The following NEO1 variants were observed in gnomAD, a reference collection of about 807,000 sequenced individuals.
The protein encoded by NEO1 is neogenin 1.
Under a neutral mutation model 159.7 loss-of-function variants are expected in NEO1, and 63 were observed. The ratio of observed to expected loss-of-function variants is 0.39; its 90% confidence interval spans 0.32 to 0.49. The LOEUF (loss-of-function observed/expected upper bound fraction) is 0.49. Among genes scored for constraint, NEO1 ranks in the 20% least tolerant of loss-of-function variants. The probability of loss-of-function intolerance (pLI) is 0.85; values close to 1 mark genes in which losing one functional copy is unlikely to be tolerated. For missense variants in NEO1, 1,615 were observed against 1,831.0 expected, an observed-to-expected ratio of 0.88 and a Z score of 2.15; for synonymous variants, 633 against 662.0, an observed-to-expected ratio of 0.96 and a Z score of 0.67.
chr15:73,290,940 A>T (rs1205991598), intron 25 of NEO1, among the ~76,000 whole-genome samples: 2 of 152,208 alleles, frequency 1.3e-5, no homozygotes, highest in African/African-American at 4.8e-5. Context: ...TCCCACAAAC[A>T]CTGTACACAA....
At chr15:73,199,744 G>C (rs886296014) in intron 7 of NEO1, among the ~76,000 whole-genome samples, 1 of 152,252 alleles carries the variant, frequency 6.6e-6, no homozygotes, top group African/African-American at 2.4e-5. Flanking sequence ...TAAGATCAAG[G>C]TGCCAACAGG....
At chr15:73,211,822 T>C (rs1455762870) in intron 7 of NEO1, among the ~76,000 whole-genome samples, 1 of 152,168 alleles carries the variant, frequency 6.6e-6, no homozygotes, top group East Asian at 1.9e-4. Flanking sequence ...TCCCCTTGAG[T>C]CTTTTGGGTC....
rs1431308801 is a variant in NEO1, at chr15:73,293,540, A to G, written c.3893A>G (p.Asn1298Ser). ...TCCATGTCCCTTTCAGACAGGGCCAATTCCACAGGTGAGAGATGAGGATCA... is the reference window on the plus strand; with the variant it reads ...TCCATGTCCCTTTCAGACAGGGCCAGTTCCACAGGTGAGAGATGAGGATCA... ...GTSMSLSDRA[N>S]STESVRNTPS... Residue 1298 changes from asparagine (N) to serine (S), a missense_variant, in exon 26 of 29, where the codon AAT (asparagine) becomes AGT (serine). Physicochemically the swap from Asn to Ser is conservative, Grantham distance 46. Around this residue, in one of 3 missense-constraint regions of NEO1, gnomAD observed 471 missense variants for 498.9 expected, o/e 0.94. Transcript: ENST00000261908. 4 of 1,614,016 alleles carry G rather than the reference A, an allele frequency of 2.5e-6. No homozygotes were observed. The highest frequency in any genetic ancestry group is 2.2e-5 in the East Asian group (1 of 44,886).
intron 1 of NEO1, among the ~76,000 whole-genome samples, chr15:73,073,318 A>T (rs1370474564): frequency 6.6e-6 from 1 of 151,984 alleles, no homozygotes; most frequent in Non-Finnish European, 1.5e-5. Context: ...ACAGCTGGAG[A>T]TGGAATTTGG....
Position 73,272,458 on chromosome 15 carries a change from C to T in NEO1, c.2861C>T (p.Pro954Leu). ...TAHGTTFELV[P>L]TSPPKDVTVV... ...TAAAAATTTTGTTATTTTGTAGTTC[C>T]GACTTCTCCACCCAAGGATGTGACT... Residue 954 changes from proline to leucine, a missense_variant, in exon 19 of 29, where the codon CCG (proline) becomes CTG (leucine). Physicochemically the swap from Pro to Leu is moderately conservative, Grantham distance 98. Coordinates refer to ENST00000261908, the MANE Select transcript of NEO1 (RefSeq NM_002499.4). 1.2e-6 allele frequency: 2 copies of T among 1,611,278 alleles called. No individual in the cohort carries two copies. Among genetic ancestry groups the T allele is most frequent in the African/African-American group, 1.3e-5 (1 of 74,924 alleles).
At chr15:73,297,364 G>A (rs1413728261) in intron 26 of NEO1, among the ~76,000 whole-genome samples, 1 of 152,164 alleles carries the variant, frequency 6.6e-6, no homozygotes, top group East Asian at 1.9e-4. Context: ...AAAGCAGCTG[G>A]CATAGTGCTT....
chr15:73,284,465 CTCTT>C (rs2041860335), intron 23 of NEO1, among the ~76,000 whole-genome samples: 2 of 151,988 alleles, frequency 1.3e-5, no homozygotes, highest in African/African-American at 4.8e-5. Flanking sequence ...TTTTAAATCT[CTCTT>C]TCTTTTGCCC....
intron 1 of NEO1, among the ~76,000 whole-genome samples, chr15:73,087,638 A>G (rs1218112246): frequency 1.3e-5 from 2 of 152,118 alleles, no homozygotes; most frequent in Non-Finnish European, 2.9e-5. Context: ...TACAAGATAA[A>G]TTTACTTTCA....
rs557908913 is a variant in NEO1, at chr15:73,114,563, G to T, written c.131-1977G>T. Among the ~76,000 whole-genome samples, 4 of 151,542 alleles carry T rather than the reference G, an allele frequency of 2.6e-5. No homozygotes were observed. In the East Asian group the frequency reaches 5.8e-4, roughly 22 times the overall value. On this transcript the variant is annotated intron_variant, in intron 1 of 28. Transcript: ENST00000261908. ...TTTTCAAACACATATACTTTTTTTC[G>T]TTGTTCAACCTGGCTCAATTTTAAA...
chr15:73,237,976 A>G (rs1356847452), intron 8 of NEO1, among the ~76,000 whole-genome samples: 7 of 152,144 alleles, frequency 4.6e-5, no homozygotes, highest in Non-Finnish European at 1.0e-4. Flanking sequence ...TTTAGATGAC[A>G]TCTCCTCAGG....
chr15:73,275,224 C>A (rs2623993), intron 21 of NEO1, among the ~76,000 whole-genome samples: 122,108 of 149,020 alleles, frequency 0.82, 49,355 homozygotes, highest in Admixed American at 0.89. Context: ...TTACCTTACT[C>A]AATGTTGTGA....
At chr15:73,249,290 C>A in intron 10 of NEO1, 82 bp downstream of exon 10, 1 of 1,424,364 alleles carries the variant, frequency 7.0e-7, no homozygotes. Context: ...AGTTGCTTGA[C>A]TGGAAATGTG....
chr15:73,216,916 A>G (rs1404939966), intron 7 of NEO1, among the ~76,000 whole-genome samples: 2 of 151,852 alleles, frequency 1.3e-5, no homozygotes, highest in Non-Finnish European at 2.9e-5. Context: ...TTTGCTGTGC[A>G]GAAGCTCTTT....
At position 73,284,919 on chromosome 15, in the gene NEO1, T is replaced by A. The variant is rs144411346; in HGVS notation, c.3410+1808T>A. ...ACTTTTAATAGTGGAAAACTATTAT[T>A]TTTAAAGCCTCAAAGACTACATTTT... is the stretch of plus-strand genomic sequence containing the variant. On this transcript the variant is annotated intron_variant, in intron 23 of 28. Transcript: ENST00000261908. Among the ~76,000 whole-genome samples, 552 of 152,292 alleles carry A rather than the reference T, an allele frequency of 3.6e-3. 2 individuals carry two copies. Among genetic ancestry groups the A allele is most frequent in the African/African-American group, 0.013 (529 of 41,556 alleles).
At chr15:73,147,308 T>G (rs2032983234) in intron 5 of NEO1, among the ~76,000 whole-genome samples, 1 of 152,194 alleles carries the variant, frequency 6.6e-6, no homozygotes. Flanking sequence ...CTTTGATTTC[T>G]TTTTTGCCTT....
chr15:73,092,604 C>T (rs1213076653), intron 1 of NEO1, among the ~76,000 whole-genome samples: 3 of 152,006 alleles, frequency 2.0e-5, no homozygotes, highest in African/African-American at 7.2e-5. Flanking sequence ...ATTTATATTT[C>T]AAGTCAGTCA....
chr15:73,122,337 G>A (rs2071715644), intron 2 of NEO1, among the ~76,000 whole-genome samples, 188 bp from the exon 3 acceptor site: 1 of 151,744 alleles, frequency 6.6e-6, no homozygotes, highest in Non-Finnish European at 1.5e-5. Context: ...TCTGATTCCA[G>A]TTATCCTTAA....
intron 11 of NEO1, among the ~76,000 whole-genome samples, chr15:73,250,126 TTGTGAC>T (rs1292367662): frequency 6.6e-6 from 1 of 152,142 alleles, no homozygotes; most frequent in African/African-American, 2.4e-5. Context: ...TCCTCCGTAT[TTGTGAC>T]TGTTTTATCT....
chr15:73,147,302 G>T (rs2032982743), intron 5 of NEO1, among the ~76,000 whole-genome samples: 1 of 152,130 alleles, frequency 6.6e-6, no homozygotes, highest in African/African-American at 2.4e-5. Flanking sequence ...TGTTGTCTTT[G>T]ATTTCTTTTT....
Sources: gnomAD v4.1 joint callset for allele counts (sites outside exome capture counted in the v4.1 genomes callset) on GRCh38, gnomAD v4.1.1 for gene constraint, gnomAD v4.1.1 regional missense constraint, MANE v1.5 for transcripts, NCBI Gene and HGNC (gene_info 2026-07-23, HGNC 2026-07-21) for gene names.